Variants in GOLGA3 observed in about 807,000 individuals in gnomAD.
GOLGA3 encodes the protein golgin A3, also known as golgin subfamily A member 3.
A neutral mutation model predicts 169.4 loss-of-function variants in GOLGA3; 75 were observed. That is an observed-to-expected ratio of 0.44 (90% CI 0.37 to 0.54). The LOEUF (loss-of-function observed/expected upper bound fraction) is 0.54, where lower values mean the gene tolerates loss of function less well. GOLGA3 is among the 20% of genes least tolerant of loss of function. The pLI is 0.00. For synonymous variants in GOLGA3, 824 were observed against 822.4 expected (o/e 1.00, Z -0.03); for missense variants, 1,899 against 1,930.0 (o/e 0.98, Z 0.30).
intron 1 of GOLGA3, among the ~76,000 whole-genome samples, chr12:132,825,275 C>T (rs541792035): frequency 9.5e-4 from 145 of 152,254 alleles, no homozygotes; most frequent in Non-Finnish European, 1.6e-3. Flanking sequence ...CTCCTGGCCC[C>T]GCAGGTAAAG....
chr12:132,773,088 A>C lies in GOLGA3; in HGVS notation c.*17T>G. ...AGCCTTCTGGGGCAGCGGCGCACGG[A>C]GGCGAGTCCACAGCAGTCACTCTCC... On this transcript the variant is annotated 3_prime_UTR_variant, in exon 24 of 24. Coordinates refer to ENST00000450791, the MANE Select transcript of GOLGA3 (RefSeq NM_001389683.1). 1 of 1,519,192 alleles carries C rather than the reference A, an allele frequency of 6.6e-7. No homozygotes were observed. The highest frequency in any genetic ancestry group is 8.9e-7 in the Non-Finnish European group (1 of 1,122,888). The allele number at this position is 1,519,192 out of a possible 1,614,324, so 94.1% of individuals were successfully genotyped here. A position where few individuals can be genotyped will look rare whatever the true frequency, so the allele number is the denominator to read the frequency against.
In GOLGA3 at chr12:132,769,010, G is replaced by C. The variant is rs2044776996; in HGVS notation, c.*4095C>G. On this transcript the variant is annotated 3_prime_UTR_variant, in exon 24 of 24. Coordinates refer to ENST00000450791, the MANE Select transcript of GOLGA3 (RefSeq NM_001389683.1). ...AACGTGCTTTTTAAAGTTACACTTT[G>C]TCAGACACGGTGACCCCTTTCCCAA... The C allele has an allele frequency of 6.5e-6, 1 of 152,678 alleles. No homozygotes were observed. Among genetic ancestry groups the C allele is most frequent in the Non-Finnish European group, 1.5e-5 (1 of 68,038 alleles). 9.5% of individuals were successfully genotyped at this position (152,678 alleles called of 1,614,324 possible).
intron 18 of GOLGA3, among the ~76,000 whole-genome samples, chr12:132,779,841 A>ACT (rs1475724448): frequency 1.1e-5 from 1 of 89,202 alleles, no homozygotes; most frequent in African/African-American, 3.9e-5. Context: ...CCTTGCACGG[A>ACT]CACCCCCCCG....
Position 132,789,071 on chromosome 12 carries a change from G to A in GOLGA3, c.2767C>T (p.Gln923Ter). 6.2e-7 allele frequency: 1 copy of A among 1,607,006 alleles called. No homozygotes were observed. The highest frequency in any genetic ancestry group is 8.5e-7 in the Non-Finnish European group (1 of 1,175,806). ...QHMADLEGHL[Q>*]SAQKERDEME... ...TCGTCTCGCTCCTTCTGCGCCGACT[G>A]GAGATGCCCTTCAAGGTCCGCCATG... Residue 923 changes from glutamine to a stop codon, truncating the protein, a stop_gained, in exon 13 of 24, where the codon CAG becomes TAG. Transcript: ENST00000450791. LOFTEE classifies it high-confidence loss of function.
At chr12:132,799,501 T>C (rs1294438386) in intron 8 of GOLGA3, among the ~76,000 whole-genome samples, 1 of 151,984 alleles carries the variant, frequency 6.6e-6, no homozygotes, top group Non-Finnish European at 1.5e-5. Flanking sequence ...ATTAGCCAGG[T>C]GTGATGGTGT....
chr12:132,780,839 G>C lies in GOLGA3; in HGVS notation c.3541C>G (p.Leu1181Val), dbSNP rs1266707797. ...TTCACCTTCTCCTTCTCCTTCTCTA[G>C]TGAGGCCTGCAGGGCCTGGACAAGA... ...KHLVQALQAS[L>V]EKEKEKVNSL... Residue 1181 changes from leucine to valine, a missense_variant, in exon 18 of 24, where the codon CTA (leucine) becomes GTA (valine). By Grantham distance (32) the Leu-to-Val change is conservative. Coordinates refer to ENST00000450791, the MANE Select transcript of GOLGA3 (RefSeq NM_001389683.1). 1.9e-6 allele frequency: 3 copies of C among 1,611,948 alleles called. No individual in the cohort carries two copies. The highest frequency in any genetic ancestry group is 2.7e-5 in the African/African-American group (2 of 74,942).
intron 6 of GOLGA3, 115 bp from the exon 7 acceptor site, chr12:132,805,137 C>T: frequency 8.5e-7 from 1 of 1,173,454 alleles, no homozygotes; most frequent in South Asian, 1.5e-5. Flanking sequence ...ACCCCGAGAC[C>T]CCCAGGCGCT....
intron 7 of GOLGA3, among the ~76,000 whole-genome samples, chr12:132,803,983 CCA>C (rs1288410653): frequency 6.6e-6 from 1 of 152,212 alleles, no homozygotes; most frequent in Non-Finnish European, 1.5e-5. Flanking sequence ...AGCAGGCCAA[CCA>C]CAGTCTTCTC....
intron 13 of GOLGA3, among the ~76,000 whole-genome samples, chr12:132,787,808 CG>C (rs1459036772): frequency 3.3e-5 from 2 of 60,720 alleles, no homozygotes; most frequent in African/African-American, 6.2e-5. Flanking sequence ...GACCCCTCCC[CG>C]GAGACCCCGG....
chr12:132,827,721 G>T (rs953511213), intron 1 of GOLGA3: 1 of 152,110 alleles, frequency 6.6e-6, no homozygotes, highest in Non-Finnish European at 1.5e-5. Flanking sequence ...TGCCTGAAAA[G>T]ATATTAAAGG....
At chr12:132,826,287 G>A (rs948434420) in intron 1 of GOLGA3, 30 of 901,684 alleles carry the variant, frequency 3.3e-5, no homozygotes, top group Admixed American at 2.6e-4. Context: ...TCACGGCCAC[G>A]GCCCAGACAG....
intron 20 of GOLGA3, 56 bp from the exon 21 acceptor site, chr12:132,776,812 G>C (rs1233677826): frequency 1.3e-6 from 2 of 1,597,618 alleles, no homozygotes; most frequent in Non-Finnish European, 1.7e-6. Flanking sequence ...TTACTGCCCT[G>C]GAAAATGGCT....
chr12:132,794,784 T>C (rs960821037), intron 11 of GOLGA3, among the ~76,000 whole-genome samples: 1 of 152,240 alleles, frequency 6.6e-6, no homozygotes, highest in African/African-American at 2.4e-5. Flanking sequence ...CCTGTCTGAG[T>C]GCCTCTTTAC....
intron 11 of GOLGA3, among the ~76,000 whole-genome samples, chr12:132,791,514 G>A (rs2046232469): frequency 6.6e-6 from 1 of 151,590 alleles, no homozygotes; most frequent in Non-Finnish European, 1.5e-5. Flanking sequence ...GGCCACATCT[G>A]CAGCGATGTT....
Position 132,804,930 on chromosome 12 carries a change from C to A in GOLGA3, c.1383G>T (p.Gln461His). The A allele has an allele frequency of 6.2e-7, 1 of 1,613,714 alleles. No individual in the cohort carries two copies. Among genetic ancestry groups the A allele is most frequent in the Non-Finnish European group, 8.5e-7 (1 of 1,180,026 alleles). ...AQVECSHSSQ[Q>H]RQDSLSSEVD... is the part of the protein sequence containing the mutation. ...CCTCCGAGCTCAGCGAATCCTGCCG[C>A]TGCTGGCTGCTGTGGCTGCACTCCA... The change falls in exon 7 of 24, where the codon CAG (glutamine) becomes CAT (histidine). Residue 461 changes from glutamine to histidine, a missense_variant. By Grantham distance (24) the Gln-to-His change is conservative. Coordinates refer to ENST00000450791, the MANE Select transcript of GOLGA3 (RefSeq NM_001389683.1). The surrounding 1 kb of genome is among the most constrained non-coding windows in gnomAD (Gnocchi z 4.1).
chr12:132,810,676 G>A (rs998175545), intron 4 of GOLGA3, among the ~76,000 whole-genome samples: 3 of 152,142 alleles, frequency 2.0e-5, no homozygotes, highest in Admixed American at 6.5e-5. Flanking sequence ...TAGCGGTAAC[G>A]CCAGCATCTG....
intron 1 of GOLGA3, among the ~76,000 whole-genome samples, 155 bp from the exon 2 acceptor site, chr12:132,822,466 A>G (rs1027345114): frequency 1.3e-5 from 2 of 152,240 alleles, no homozygotes; most frequent in African/African-American, 4.8e-5. Flanking sequence ...ACAACATCCT[A>G]GGTTTTGAGG....
At chr12:132,806,676 G>A (rs766844397) in intron 6 of GOLGA3, among the ~76,000 whole-genome samples, 2 of 152,156 alleles carry the variant, frequency 1.3e-5, no homozygotes, top group African/African-American at 2.4e-5. Flanking sequence ...CTCAACTGCC[G>A]ACAGAAGATA....
At chr12:132,774,073 G>T (rs1048199481) in intron 23 of GOLGA3, 84 bp downstream of exon 23, 1 of 1,290,054 alleles carries the variant, frequency 7.8e-7, no homozygotes, top group Non-Finnish European at 1.1e-6. Flanking sequence ...TGGGCACTCA[G>T]TACTGGCACC....
Sources: allele counts gnomAD v4.1 joint callset (sites outside exome capture counted in the v4.1 genomes callset), GRCh38; gene constraint gnomAD v4.1.1; non-coding constraint Gnocchi (gnomAD v3.1); transcripts MANE v1.5; gene names NCBI Gene and HGNC (gene_info 2026-07-23, HGNC 2026-07-21).